The following COL21A1 variants were observed in gnomAD, a reference collection of about 807,000 sequenced individuals.
COL21A1 encodes collagen alpha-1(XXI) chain.
A neutral mutation model predicts 137.9 loss-of-function variants in COL21A1; 149 were observed. The ratio of observed to expected loss-of-function variants is 1.08; its 90% CI spans 0.95 to 1.24. COL21A1 has a LOEUF of 1.24. Ranked by LOEUF, COL21A1 falls within the 50% of genes most tolerant of loss-of-function variation. The pLI is 0.00. For missense variants in COL21A1, 1,167 were observed against 1,158.4 expected (o/e 1.01, Z -0.11); for synonymous variants, 456 against 391.5 (o/e 1.16, Z -1.95).
At chr6:56,368,389 T>C (rs1483370235) in intron 1 of COL21A1, among the ~76,000 whole-genome samples, 1 of 152,186 alleles carries the variant, frequency 6.6e-6, no homozygotes, top group Non-Finnish European at 1.5e-5. Flanking sequence ...TCAAAAAGAA[T>C]TGAAATGACA....
intron 9 of COL21A1, among the ~76,000 whole-genome samples, chr6:56,159,334 A>ATTTTT (rs11412656): frequency 3.6e-5 from 5 of 137,144 alleles, no homozygotes; most frequent in African/African-American, 1.4e-4. Context: ...TCTGAATTAC[A>ATTTTT]TTTTTTTTTT....
chr6:56,190,965 A>G (rs1778633491), intron 1 of COL21A1, among the ~76,000 whole-genome samples: 1 of 152,198 alleles, frequency 6.6e-6, no homozygotes, highest in African/African-American at 2.4e-5. Flanking sequence ...TTAAAATAGT[A>G]AAGCTATTTA....
At chr6:56,116,144 A>C (rs1307704963) in intron 16 of COL21A1, among the ~76,000 whole-genome samples, 4 of 152,100 alleles carry the variant, frequency 2.6e-5, no homozygotes, top group Non-Finnish European at 5.9e-5. Flanking sequence ...ACCTAGAGAA[A>C]GATATCAATA....
At chr6:56,213,572 A>T (rs1021367205) in intron 1 of COL21A1, among the ~76,000 whole-genome samples, 1 of 152,092 alleles carries the variant, frequency 6.6e-6, no homozygotes, top group African/African-American at 2.4e-5. Flanking sequence ...TGTTGTAAAG[A>T]TTAAACAAAA....
In COL21A1 at chr6:56,087,918, T is replaced by C. The variant is rs544029969; in HGVS notation, c.1813-10345A>G. On this transcript the variant is annotated intron_variant, in intron 17 of 29. Transcript: ENST00000244728. ...CTGCTGCTTTGTTGGCAGAAGCTGC[T>C]TCTCCTGTGTTTGACAATTTTTAAG... Among the ~76,000 whole-genome samples the C allele has an allele frequency of 1.1e-4, 17 of 152,322 alleles. 1 individual carries two copies. The South Asian group carries it at 3.5e-3, about 32-fold the overall frequency.
At chr6:56,282,057 T>C (rs967231014) in intron 1 of COL21A1, among the ~76,000 whole-genome samples, 5 of 152,198 alleles carry the variant, frequency 3.3e-5, no homozygotes, top group African/African-American at 1.2e-4. Context: ...ATTCGAAATA[T>C]TTTTGGAGAA....
intron 1 of COL21A1, among the ~76,000 whole-genome samples, chr6:56,188,929 A>T (rs1052728508): frequency 6.6e-6 from 1 of 152,224 alleles, no homozygotes; most frequent in Non-Finnish European, 1.5e-5. Flanking sequence ...AACAGAAAAG[A>T]ATAGTACGTC....
chr6:56,239,259 T>C (rs1402884062), intron 1 of COL21A1, among the ~76,000 whole-genome samples: 1 of 152,208 alleles, frequency 6.6e-6, no homozygotes, highest in African/African-American at 2.4e-5. Context: ...TTATGAATTA[T>C]AGGAACATCA....
At chr6:56,117,104 A>G (rs566789272) in intron 16 of COL21A1, among the ~76,000 whole-genome samples, 32 of 152,202 alleles carry the variant, frequency 2.1e-4, no homozygotes, top group African/African-American at 7.5e-4. Context: ...CTTATAAATA[A>G]TAACATTTAA....
intron 1 of COL21A1, among the ~76,000 whole-genome samples, chr6:56,222,320 A>G (rs1377853887): frequency 6.6e-6 from 1 of 152,120 alleles, no homozygotes; most frequent in Admixed American, 6.6e-5. Context: ...TTTTAGCTTT[A>G]CAGGCAACTA....
upstream of COL21A1, among the ~76,000 whole-genome samples, chr6:56,249,970 GAA>G (rs1782816665): frequency 6.6e-6 from 1 of 152,170 alleles, no homozygotes; most frequent in Non-Finnish European, 1.5e-5. Flanking sequence ...TTAAAAATAA[GAA>G]ATAAAATGCA....
chr6:56,125,083 T>C (rs1372535596), intron 14 of COL21A1, among the ~76,000 whole-genome samples: 5 of 133,088 alleles, frequency 3.8e-5, no homozygotes, highest in Non-Finnish European at 7.8e-5. Context: ...TGCAGTGGCG[T>C]GATCTTGGCT....
chr6:56,339,734 T>C (rs1291967674), intron 1 of COL21A1, among the ~76,000 whole-genome samples: 1 of 152,186 alleles, frequency 6.6e-6, no homozygotes, highest in Non-Finnish European at 1.5e-5. Flanking sequence ...ACACCATGAG[T>C]GGAATCTAAA....
intron 1 of COL21A1, among the ~76,000 whole-genome samples, chr6:56,280,532 G>A (rs1331676759): frequency 6.6e-6 from 1 of 152,144 alleles, no homozygotes; most frequent in African/African-American, 2.4e-5. Context: ...TGTCTTTATG[G>A]TGAGTAAAGC....
At chr6:56,382,073 T>G (rs1007544531) in intron 1 of COL21A1, among the ~76,000 whole-genome samples, 4 of 152,130 alleles carry the variant, frequency 2.6e-5, no homozygotes, top group Non-Finnish European at 5.9e-5. Flanking sequence ...TTGACAAGGG[T>G]TCGATTTTAC....
At chr6:56,158,253 C>CTTTTTTTTTTTTGTTTTTTTTTT (rs59381031) in intron 9 of COL21A1, among the ~76,000 whole-genome samples, 1 of 104,904 alleles carries the variant, frequency 9.5e-6, no homozygotes, top group African/African-American at 3.7e-5. Context: ...TGGGTTTTTT[C>CTTTTTTTTTTTTGTTTTTTTTTT]TTTTTTTTTT....
intron 12 of COL21A1, among the ~76,000 whole-genome samples, chr6:56,130,175 A>G (rs1450396768): frequency 1.5e-5 from 1 of 68,298 alleles, no homozygotes; most frequent in Admixed American, 1.7e-4. Context: ...TTATATATAT[A>G]TATATATATA....
At chr6:56,092,858 T>C (rs946823689) in intron 17 of COL21A1, among the ~76,000 whole-genome samples, 1 of 152,152 alleles carries the variant, frequency 6.6e-6, no homozygotes, top group African/African-American at 2.4e-5. Context: ...AATGCACAAG[T>C]CTGAAGTCAA....
intron 1 of COL21A1, among the ~76,000 whole-genome samples, chr6:56,339,935 A>G (rs1156921817): frequency 1.3e-5 from 2 of 152,212 alleles, no homozygotes; most frequent in African/African-American, 2.4e-5. Context: ...TCCAAAAGAT[A>G]ATATGATGCA....
Sources: allele counts gnomAD v4.1 joint callset (sites outside exome capture counted in the v4.1 genomes callset), GRCh38; gene constraint gnomAD v4.1.1; transcripts MANE v1.5; gene names NCBI Gene and HGNC (gene_info 2026-07-23, HGNC 2026-07-21).